The following STK3 variants were observed in gnomAD, a reference collection of about 807,000 sequenced individuals.
STK3 encodes serine/threonine-protein kinase 3.
A neutral mutation model predicts 58.0 loss-of-function variants in STK3; 41 were observed. The observed-to-expected ratio is 0.71, with a 90% CI of 0.55 to 0.92. The LOEUF (loss-of-function observed/expected upper bound fraction) is 0.92. STK3 is among the 40% of genes least tolerant of loss of function. STK3 has a pLI of 0.00. For missense variants in STK3, 479 were observed against 602.7 expected, an observed-to-expected ratio of 0.79 and a Z score of 2.15; for synonymous variants, 170 against 191.0, an observed-to-expected ratio of 0.89 and a Z score of 0.91.
chr8:98,746,316 A>C (rs1321969877), intron 4 of STK3, among the ~76,000 whole-genome samples: 1 of 152,230 alleles, frequency 6.6e-6, no homozygotes, highest in Non-Finnish European at 1.5e-5. Flanking sequence ...ACAATAAAAA[A>C]CAAGAGAAAC....
At chr8:98,774,015 T>C (rs918324944) in intron 2 of STK3, among the ~76,000 whole-genome samples, 9 of 152,092 alleles carry the variant, frequency 5.9e-5, no homozygotes, top group African/African-American at 1.9e-4. Context: ...AAGCTGGTCT[T>C]GAACTTCCGA....
At chr8:98,826,406 T>C (rs1835307150), upstream of STK3, among the ~76,000 whole-genome samples, 1 of 152,226 alleles carries the variant, frequency 6.6e-6, no homozygotes, top group Non-Finnish European at 1.5e-5. Context: ...TTCACAATAA[T>C]TACATCTAAT....
intron 1 of STK3, among the ~76,000 whole-genome samples, chr8:98,444,623 C>G (rs1486528772): frequency 1.3e-5 from 2 of 152,032 alleles, no homozygotes; most frequent in East Asian, 1.9e-4. Context: ...AAGGGGGACT[C>G]CCGGGTTTCT....
In STK3 at chr8:98,471,880, G is replaced by A. The variant is rs1236768599; in HGVS notation, c.1318-15880C>T. On this transcript the variant is annotated intron_variant, in intron 10 of 10. Transcript: ENST00000419617. ...TGAATGTGTTTAAAATCCCATGGGTGTAGCTACTTAAATGAAGAAATCTGG... is the reference window on the plus strand; with the variant it reads ...TGAATGTGTTTAAAATCCCATGGGTATAGCTACTTAAATGAAGAAATCTGG... Among the ~76,000 whole-genome samples the A allele has an allele frequency of 2.6e-5, 4 of 152,196 alleles. No homozygotes were observed. In the East Asian group the frequency reaches 5.8e-4, roughly 22 times the overall value.
At chr8:98,653,687 A>C (rs1025501976) in intron 6 of STK3, among the ~76,000 whole-genome samples, 5 of 152,244 alleles carry the variant, frequency 3.3e-5, no homozygotes, top group East Asian at 1.9e-4. Flanking sequence ...AACTACCATC[A>C]GAGAATACTA....
intron 10 of STK3, among the ~76,000 whole-genome samples, chr8:98,480,036 T>A (rs539949760): frequency 6.6e-6 from 1 of 151,996 alleles, no homozygotes; most frequent in East Asian, 1.9e-4. Context: ...AATTACCCAA[T>A]CTGAAGAGGA....
At chr8:98,388,159 T>C (rs1380174268) in intron 1 of STK3, 1 of 152,186 alleles carries the variant, frequency 6.6e-6, no homozygotes, top group African/African-American at 2.4e-5. Context: ...TTCTGAAAAC[T>C]TACAAATAAA....
Position 98,693,171 on chromosome 8 carries a change from C to A in STK3, c.684+13296G>T, listed in dbSNP as rs567690556. Reference sequence around the variant, plus strand: ...CAGCACTTTGGGAGGCCAAGGCAGACAGACTGCTTAAGCTCAGGAGTTCGA... The same window carrying A: ...CAGCACTTTGGGAGGCCAAGGCAGAAAGACTGCTTAAGCTCAGGAGTTCGA... On this transcript the variant is annotated intron_variant, in intron 6 of 10. Transcript: ENST00000419617. Among the ~76,000 whole-genome samples, 19 of 152,162 alleles carry A rather than the reference C, an allele frequency of 1.2e-4. No homozygotes were observed. The South Asian group carries it at 3.1e-3, about 25-fold the overall frequency.
chr8:98,729,416 G>A (rs1015442793), intron 4 of STK3, among the ~76,000 whole-genome samples: 8 of 151,966 alleles, frequency 5.3e-5, no homozygotes, highest in Middle Eastern at 6.3e-3. Context: ...AGCCACCACC[G>A]TTTGATTCTA....
chr8:98,897,374 G>A (rs1197450588), intron 1 of STK3, among the ~76,000 whole-genome samples: 1 of 152,072 alleles, frequency 6.6e-6, no homozygotes, highest in Non-Finnish European at 1.5e-5. Flanking sequence ...TGGTTAACAC[G>A]GTGAAACCCT....
intron 1 of STK3, among the ~76,000 whole-genome samples, chr8:98,776,423 CT>C (rs1831682416): frequency 1.3e-5 from 2 of 151,944 alleles, no homozygotes; most frequent in African/African-American, 2.4e-5. Flanking sequence ...GCTGAAAAAT[CT>C]CATTAAATAT....
chr8:98,885,874 G>C (rs1837969442), intron 1 of STK3, among the ~76,000 whole-genome samples: 1 of 152,208 alleles, frequency 6.6e-6, no homozygotes, highest in South Asian at 2.1e-4. Context: ...CAACTCAGCA[G>C]TAAAAAGGAA....
chr8:98,567,788 T>G (rs1419710656), intron 8 of STK3, among the ~76,000 whole-genome samples: 2 of 152,126 alleles, frequency 1.3e-5, no homozygotes, highest in Non-Finnish European at 2.9e-5. Context: ...CCAGGCACAG[T>G]GGCTCACACC....
chr8:98,598,785 CAT>C, intron 6 of STK3: 4 of 985,370 alleles, frequency 4.1e-6, no homozygotes, highest in Non-Finnish European at 4.8e-6. Context: ...AAATAAATGA[CAT>C]GATTATCCTT....
intron 1 of STK3, among the ~76,000 whole-genome samples, chr8:98,920,512 G>T (rs1212952416): frequency 6.6e-6 from 1 of 152,238 alleles, no homozygotes; most frequent in Non-Finnish European, 1.5e-5. Context: ...GCTGCCAAAA[G>T]CACATTACTC....
At chr8:98,465,068 A>G (rs926239972) in intron 10 of STK3, among the ~76,000 whole-genome samples, 11 of 152,210 alleles carry the variant, frequency 7.2e-5, no homozygotes, top group East Asian at 3.8e-4. Flanking sequence ...ATGAATATCA[A>G]TGAAGGAGTA....
chr8:98,398,796 T>C (rs1338880176), downstream of STK3, among the ~76,000 whole-genome samples: 1 of 151,584 alleles, frequency 6.6e-6, no homozygotes, highest in Admixed American at 6.6e-5. Context: ...ATTCCCTGTT[T>C]CTTCCAGATC....
chr8:98,399,514 G>C (rs1817924050), downstream of STK3, among the ~76,000 whole-genome samples: 1 of 152,254 alleles, frequency 6.6e-6, no homozygotes, highest in Non-Finnish European at 1.5e-5. Context: ...AGGGGGTTTT[G>C]TGCCATGCCC....
At chr8:98,877,927 T>C (rs1837616930) in intron 3 of STK3, among the ~76,000 whole-genome samples, 1 of 152,076 alleles carries the variant, frequency 6.6e-6, no homozygotes, top group South Asian at 2.1e-4. Context: ...CTAAAAGAAA[T>C]AGTCACTGGT....
Sources: allele counts gnomAD v4.1 joint callset (sites outside exome capture counted in the v4.1 genomes callset), GRCh38; gene constraint gnomAD v4.1.1; transcripts MANE v1.5; gene names NCBI Gene and HGNC (gene_info 2026-07-23, HGNC 2026-07-21).